FAAP20: variants seen among roughly 807,000 people sequenced by gnomAD.
FAAP20 encodes Fanconi anemia core complex-associated protein 20.
A neutral mutation model predicts 16.2 loss-of-function variants in FAAP20; 12 were observed. That is an observed-to-expected ratio of 0.74 (90% CI 0.48 to 1.20). The LOEUF (loss-of-function observed/expected upper bound fraction) is 1.20, where lower values mean the gene tolerates loss of function less well. Among genes scored for constraint, FAAP20 ranks in the 50% most tolerant of loss-of-function variants. The pLI is 0.00. For missense variants in FAAP20, 288 were observed against 245.8 expected (o/e 1.17, Z -1.15); for synonymous variants, 141 against 110.7 (o/e 1.27, Z -1.72).
chr1:2,199,651 G>T, upstream of FAAP20: 1 of 985,210 alleles, frequency 1.0e-6, no homozygotes, highest in Non-Finnish European at 1.2e-6. The surrounding 1 kb of genome is among the most constrained non-coding windows in gnomAD (Gnocchi z 4.5). Context: ...CGTCTCCGAA[G>T]ACTCATGTCC....
chr1:2,211,429 A>ATT (rs1689440845), downstream of FAAP20, among the ~76,000 whole-genome samples: 1 of 18,866 alleles, frequency 5.3e-5, no homozygotes, highest in African/African-American at 4.1e-4. Flanking sequence ...ATATATATAT[A>ATT]TATATATTTT....
At chr1:2,190,256 G>C (rs745637793) in intron 3 of FAAP20, 1 of 457,006 alleles carries the variant, frequency 2.2e-6, no homozygotes, top group African/African-American at 2.0e-5. Flanking sequence ...TGGCGAGGAG[G>C]GACCAAGCCT....
chr1:2,210,084 G>T (rs1181489085), downstream of FAAP20, among the ~76,000 whole-genome samples: 1 of 152,158 alleles, frequency 6.6e-6, no homozygotes, highest in African/African-American at 2.4e-5. Flanking sequence ...GTGCCCTGTG[G>T]CTGTGCTCTC....
downstream of FAAP20, chr1:2,184,614 A>G (rs1450295037): frequency 1.2e-6 from 2 of 1,614,072 alleles, no homozygotes; most frequent in Non-Finnish European, 1.7e-6. Flanking sequence ...CCTCCATTCC[A>G]GCCACAGATC....
downstream of FAAP20, among the ~76,000 whole-genome samples, chr1:2,187,800 T>C (rs1687754891): frequency 6.6e-6 from 1 of 152,142 alleles, no homozygotes; most frequent in African/African-American, 2.4e-5. Context: ...CCCGCCCAGC[T>C]CGCCCAGGGC....
chr1:2,211,341 TG>T (rs1412599558), downstream of FAAP20, among the ~76,000 whole-genome samples: 1 of 130,560 alleles, frequency 7.7e-6, no homozygotes, highest in African/African-American at 2.9e-5. Flanking sequence ...GTGATTCTCC[TG>T]CCTCAGCCTC....
rs1688507076 is a variant in FAAP20 at position 2,193,673 on chromosome 1, T to G, written c.436A>C (p.Ser146Arg). ...PSVEGAAALR[S>R]CPMCQKEFAP... ...AACTCCTTCTGGCACATGGGGCAGC[T>G]GCGCAGGGCCGCGGCACCCTCCACA... Residue 146 changes from serine to arginine, a missense_variant, in exon 3 of 4, where the codon AGC (serine) becomes CGC (arginine). By Grantham distance (110) the Ser-to-Arg change is moderately radical (BLOSUM62 -1). Transcript: ENST00000378546. 4 of 1,600,530 alleles carry G rather than the reference T, an allele frequency of 2.5e-6. No homozygotes were observed. The highest frequency in any genetic ancestry group is 3.4e-6 in the Non-Finnish European group (4 of 1,176,258).
downstream of FAAP20, among the ~76,000 whole-genome samples, chr1:2,187,766 TGTC>T (rs748258353): frequency 1.4e-4 from 21 of 151,734 alleles, no homozygotes; most frequent in Admixed American, 2.6e-4. Context: ...GGCCTGCCCT[TGTC>T]GTCGCCCCAC....
upstream of FAAP20, chr1:2,203,660 C>T: frequency 4.1e-6 from 4 of 985,722 alleles, no homozygotes; most frequent in Non-Finnish European, 4.8e-6. Flanking sequence ...CAGGCTGGGG[C>T]CGGCTGCTGG....
downstream of FAAP20, among the ~76,000 whole-genome samples, chr1:2,185,803 C>G (rs1008773856): frequency 6.6e-6 from 1 of 152,208 alleles, no homozygotes; most frequent in Non-Finnish European, 1.5e-5. Context: ...ATGCCTCGTG[C>G]GACGCATTTG....
At chr1:2,202,189 C>A (rs1033347691), upstream of FAAP20, among the ~76,000 whole-genome samples, 4 of 152,176 alleles carry the variant, frequency 2.6e-5, no homozygotes, top group African/African-American at 9.7e-5. Flanking sequence ...GTCCTGCAAA[C>A]CCCAGCACCG....
At chr1:2,211,900 C>CT (rs60874812), downstream of FAAP20, among the ~76,000 whole-genome samples, 14,683 of 98,870 alleles carry the variant, frequency 0.15, 2,238 homozygotes, top group African/African-American at 0.3. Context: ...CAAGCTGCTG[C>CT]TTTTTTTTTT....
chr1:2,202,454 CTCTT>C (rs923259732), upstream of FAAP20, among the ~76,000 whole-genome samples: 1 of 151,982 alleles, frequency 6.6e-6, no homozygotes, highest in African/African-American at 2.4e-5. Flanking sequence ...TCCTCAACAC[CTCTT>C]TATTTTTATT....
chr1:2,196,965 A>G (rs911057063), upstream of FAAP20, among the ~76,000 whole-genome samples: 4 of 152,148 alleles, frequency 2.6e-5, no homozygotes. The surrounding 1 kb of genome is among the most constrained non-coding windows in gnomAD (Gnocchi z 4.5). Flanking sequence ...TCTGGCTCCC[A>G]ACCCCAGGGT....
At chr1:2,202,037 A>C (rs562213793), upstream of FAAP20, among the ~76,000 whole-genome samples, 1 of 151,306 alleles carries the variant, frequency 6.6e-6, no homozygotes, top group Non-Finnish European at 1.5e-5. Flanking sequence ...AAAAAAGAAG[A>C]AGAAGAAGAA....
At chr1:2,188,454 T>C (rs1353275606), downstream of FAAP20, among the ~76,000 whole-genome samples, 1 of 152,158 alleles carries the variant, frequency 6.6e-6, no homozygotes, top group Non-Finnish European at 1.5e-5. Context: ...AACCAGACTC[T>C]CTCGGCTCCA....
chr1:2,189,526 T>C, downstream of FAAP20: 1 of 623,194 alleles, frequency 1.6e-6, no homozygotes, highest in Non-Finnish European at 2.9e-6. Flanking sequence ...AAACCAAACG[T>C]CAGAAAGAAA....
rs1688588319 is a variant in FAAP20, at chr1:2,194,139, G to A, written c.63-6C>T. ...AGGGGCGGCCGCCAGAAGGCCTGGGGCAGACAGAGAGGGCAGACAGGGGGT... is the reference window on the plus strand; with the variant it reads ...AGGGGCGGCCGCCAGAAGGCCTGGGACAGACAGAGAGGGCAGACAGGGGGT... On this transcript the variant is annotated splice_region_variant and splice_polypyrimidine_tract_variant and intron_variant, in intron 1 of 3. Coordinates refer to ENST00000378546, the MANE Select transcript of FAAP20 (RefSeq NM_182533.4). 1 of 1,611,904 alleles carries A rather than the reference G, an allele frequency of 6.2e-7. No homozygotes were observed. The highest frequency in any genetic ancestry group is 1.7e-5 in the Admixed American group (1 of 59,950).
chr1:2,195,879 G>T (rs1688796322), upstream of FAAP20, among the ~76,000 whole-genome samples: 1 of 152,232 alleles, frequency 6.6e-6, no homozygotes, highest in Admixed American at 6.5e-5. Flanking sequence ...GAGGCCCCCA[G>T]CAGAACAAGA....
Sources: allele counts gnomAD v4.1 joint callset (sites outside exome capture counted in the v4.1 genomes callset), GRCh38; gene constraint gnomAD v4.1.1; non-coding constraint Gnocchi (gnomAD v3.1); transcripts MANE v1.5; gene names NCBI Gene and HGNC (gene_info 2026-07-23, HGNC 2026-07-21).